ACAP2: variants seen among roughly 807,000 people sequenced by gnomAD.
ACAP2 encodes arf-GAP with coiled-coil, ANK repeat and PH domain-containing protein 2.
In ACAP2, 39 loss-of-function variants were observed where a neutral mutation model predicts 115.8. The ratio of observed to expected loss-of-function variants is 0.34; its 90% confidence interval spans 0.26 to 0.44. ACAP2 has a LOEUF of 0.44. ACAP2 is among the 20% of genes least tolerant of loss of function. The pLI is 1.00. For missense variants in ACAP2, 662 were observed against 927.6 expected (o/e 0.71, Z 3.72); for synonymous variants, 289 against 315.8 (o/e 0.92, Z 0.90).
chr3:195,375,037 C>T (rs898718821), intron 4 of ACAP2, among the ~76,000 whole-genome samples: 6 of 151,696 alleles, frequency 4.0e-5, no homozygotes, highest in Non-Finnish European at 7.4e-5. Flanking sequence ...ACTAAAAATA[C>T]AAAAATTAGC....
At chr3:195,340,200 C>T (rs1290966727) in intron 6 of ACAP2, among the ~76,000 whole-genome samples, 2 of 150,238 alleles carry the variant, frequency 1.3e-5, no homozygotes, top group Non-Finnish European at 3.0e-5. Context: ...TTAAGAGGTA[C>T]ACAGGAGGAA....
At chr3:195,355,216 T>C (rs956537603) in intron 4 of ACAP2, among the ~76,000 whole-genome samples, 2 of 152,122 alleles carry the variant, frequency 1.3e-5, no homozygotes, top group African/African-American at 4.8e-5. Context: ...AAAGCAACAG[T>C]TCTGTCTCTG....
intron 21 of ACAP2, among the ~76,000 whole-genome samples, chr3:195,286,348 A>C (rs1178737239): frequency 6.6e-6 from 1 of 152,224 alleles, no homozygotes; most frequent in Non-Finnish European, 1.5e-5. Context: ...ATAATAAATG[A>C]CTATAGGTTA....
chr3:195,294,662 C>A (rs1727529578), intron 18 of ACAP2, 57 bp downstream of exon 18: 3 of 734,048 alleles, frequency 4.1e-6, no homozygotes, highest in African/African-American at 3.7e-5. Flanking sequence ...TAAACATTTA[C>A]CACATGCACT....
At position 195,289,129 on chromosome 3, in the gene ACAP2, T is replaced by C; in HGVS notation, c.2166A>G (p.Ile722Met). Residue 722 changes from isoleucine to methionine, a missense_variant, in exon 21 of 23, where the codon ATA (isoleucine) becomes ATG (methionine). Physicochemically the swap from Ile to Met is conservative, Grantham distance 10. Around this residue, in one of 3 missense-constraint regions of ACAP2, gnomAD observed 128 missense variants for 200.2 expected, o/e 0.64. Coordinates refer to ENST00000326793, the MANE Select transcript of ACAP2 (RefSeq NM_012287.6). Reference protein sequence around the residue: ...SIAVEAANADIVTLLRLARMN... With the variant: ...SIAVEAANADMVTLLRLARMN... ...AAAAAGGAAGTACTTACAAGGTGACTATATCAGCATTGGCTGCTTCCACAG... is the reference window on the plus strand; with the variant it reads ...AAAAAGGAAGTACTTACAAGGTGACCATATCAGCATTGGCTGCTTCCACAG... 6.2e-7 allele frequency: 1 copy of C among 1,607,606 alleles called. No homozygotes were observed. The highest frequency in any genetic ancestry group is 8.5e-7 in the Non-Finnish European group (1 of 1,178,178).
chr3:195,408,132 T>G (rs1712943882), intron 1 of ACAP2, among the ~76,000 whole-genome samples: 1 of 152,146 alleles, frequency 6.6e-6, no homozygotes. Flanking sequence ...CTGAATAGAC[T>G]TATAACTAGT....
intron 1 of ACAP2, among the ~76,000 whole-genome samples, chr3:195,426,168 C>T (rs1714670268): frequency 6.6e-6 from 1 of 152,172 alleles, no homozygotes; most frequent in Non-Finnish European, 1.5e-5. Flanking sequence ...CCAACCCTAT[C>T]GGCCTTCCTT....
At chr3:195,439,216 A>G (rs1006501336) in intron 1 of ACAP2, among the ~76,000 whole-genome samples, 3 of 145,190 alleles carry the variant, frequency 2.1e-5, no homozygotes, top group African/African-American at 7.7e-5. Context: ...TTTAAGAGAG[A>G]GAGAGAGAGT....
rs554996005 is a variant in ACAP2, at chr3:195,307,215, C to A, written c.1010+8G>T. The stretch of plus-strand genomic sequence containing the variant: ...AAAGCAAATCACAGATCCTTTAGAA[C>A]CACTTACTTTGTTGGCGAGACCACC... On this transcript the variant is annotated splice_region_variant and intron_variant, in intron 12 of 22. Coordinates refer to ENST00000326793, the MANE Select transcript of ACAP2 (RefSeq NM_012287.6). The A allele has an allele frequency of 1.2e-6, 2 of 1,606,786 alleles. No individual in the cohort carries two copies. The highest frequency in any genetic ancestry group is 2.2e-5 in the South Asian group (2 of 90,442).
chr3:195,378,540 T>C (rs191033901), intron 4 of ACAP2, among the ~76,000 whole-genome samples: 15 of 150,854 alleles, frequency 9.9e-5, no homozygotes, highest in Admixed American at 9.9e-4. Flanking sequence ...AAAATCTCTA[T>C]TCCTCCAAAG....
At chr3:195,311,363 C>T (rs1399520662) in intron 10 of ACAP2, among the ~76,000 whole-genome samples, 1 of 152,092 alleles carries the variant, frequency 6.6e-6, no homozygotes, top group African/African-American at 2.4e-5. Flanking sequence ...TCCCAAAGTG[C>T]TGGGACTACA....
chr3:195,378,068 G>GAGGGAGGA (rs1331250367), intron 4 of ACAP2, among the ~76,000 whole-genome samples: 2 of 146,350 alleles, frequency 1.4e-5, no homozygotes, highest in South Asian at 2.2e-4. Context: ...GGGAGGGAGG[G>GAGGGAGGA]AGGGAGGAAG....
At chr3:195,371,136 C>T (rs1733109674) in intron 4 of ACAP2, among the ~76,000 whole-genome samples, 2 of 152,080 alleles carry the variant, frequency 1.3e-5, no homozygotes, top group Non-Finnish European at 2.9e-5. Flanking sequence ...AGCACTGAAT[C>T]TGTAAATTCC....
At chr3:195,383,665 A>G (rs996087395) in intron 2 of ACAP2, among the ~76,000 whole-genome samples, 7 of 152,082 alleles carry the variant, frequency 4.6e-5, no homozygotes, top group African/African-American at 1.4e-4. Context: ...CAATTACATA[A>G]TAAGACATTT....
intron 5 of ACAP2, among the ~76,000 whole-genome samples, chr3:195,344,845 A>G (rs1006571235): frequency 7.9e-5 from 12 of 152,178 alleles, no homozygotes; most frequent in Admixed American, 3.9e-4. Context: ...TTCATGGCTC[A>G]TTCTCGTATA....
chr3:195,329,198 G>A (rs1199702358), intron 8 of ACAP2, among the ~76,000 whole-genome samples: 2 of 152,172 alleles, frequency 1.3e-5, no homozygotes, highest in Non-Finnish European at 2.9e-5. Context: ...TATCTTTCAT[G>A]ATGGTTGGAG....
At position 195,275,222 on chromosome 3, in the gene ACAP2, A is replaced by G. The variant is rs1221731856; in HGVS notation, c.*4106T>C. On this transcript the variant is annotated 3_prime_UTR_variant, in exon 23 of 23. Coordinates refer to ENST00000326793, the MANE Select transcript of ACAP2 (RefSeq NM_012287.6). ...AGAAAAGTTAGCAAATAAGATAGTGAAAAGACCAATGCAGAGAAAAGTTTA... is the reference window on the plus strand; with the variant it reads ...AGAAAAGTTAGCAAATAAGATAGTGGAAAGACCAATGCAGAGAAAAGTTTA... 6.6e-6 allele frequency: 1 copy of G among 152,530 alleles called. No individual in the cohort carries two copies. Among genetic ancestry groups the G allele is most frequent in the African/African-American group, 2.4e-5 (1 of 41,456 alleles). 9.4% of individuals were successfully genotyped at this position (152,530 alleles called of 1,614,324 possible). A position where few individuals can be genotyped will look rare whatever the true frequency, so the allele number is the denominator to read the frequency against.
At chr3:195,395,704 T>C (rs1711707354) in intron 1 of ACAP2, among the ~76,000 whole-genome samples, 1 of 152,174 alleles carries the variant, frequency 6.6e-6, no homozygotes, top group Admixed American at 6.5e-5. Context: ...TCTGGCCCTT[T>C]ACAGAAAGTT....
At chr3:195,312,325 CAAAA>C (rs934713089) in intron 10 of ACAP2, among the ~76,000 whole-genome samples, 6 of 151,740 alleles carry the variant, frequency 4.0e-5, no homozygotes, top group African/African-American at 1.5e-4. Flanking sequence ...AATGGCAAAA[CAAAA>C]AAAGGTAACG....
Sources: allele counts gnomAD v4.1 joint callset (sites outside exome capture counted in the v4.1 genomes callset), GRCh38; gene constraint gnomAD v4.1.1; regional missense constraint gnomAD v4.1.1; transcripts MANE v1.5; gene names NCBI Gene and HGNC (gene_info 2026-07-23, HGNC 2026-07-21).